Variants in THBS4 observed in about 807,000 individuals in gnomAD.
THBS4 encodes thrombospondin 4.
THBS4 carries 90 observed loss-of-function variants against 115.7 expected under a neutral mutation model. That is an observed-to-expected ratio of 0.78 (90% CI 0.66 to 0.93). The LOEUF (loss-of-function observed/expected upper bound fraction) is 0.93, where lower values mean the gene tolerates loss of function less well. THBS4 is among the 40% of genes least tolerant of loss of function. The probability of loss-of-function intolerance (pLI) is 0.00; values close to 1 mark genes in which losing one functional copy is unlikely to be tolerated. For synonymous variants in THBS4, 460 were observed against 479.3 expected, an observed-to-expected ratio of 0.96 and a Z score of 0.53; for missense variants, 1,087 against 1,232.7, an observed-to-expected ratio of 0.88 and a Z score of 1.77.
At chr5:80,008,125 C>T (rs2434316) in intron 2 of THBS4, among the ~76,000 whole-genome samples, 45,991 of 152,004 alleles carry the variant, frequency 0.3, 7,115 homozygotes, top group South Asian at 0.36. Flanking sequence ...ACTAATGATA[C>T]TTTAAGGCTG....
At chr5:80,080,236 G>T in intron 20 of THBS4, 159 bp downstream of exon 20, 6 of 871,350 alleles carry the variant, frequency 6.9e-6, no homozygotes, top group Non-Finnish European at 6.9e-6. Context: ...TAGAAAAGAG[G>T]TGGGAGAGAA....
intron 2 of THBS4, chr5:80,053,005 A>G (rs1833301837): frequency 6.6e-6 from 1 of 152,186 alleles, no homozygotes; most frequent in Non-Finnish European, 1.5e-5. Context: ...TTATTTTTAT[A>G]TACAAGTAAT....
rs528728239 is a variant in THBS4 at position 80,005,041 on chromosome 5, A to C, written n.177+6614A>C. ...GCATGAGCCACCACGCCCAGCCAAA[A>C]AAAACAAAACAAAACAAAAAACTAA... On this transcript the variant is annotated intron_variant and non_coding_transcript_variant, in intron 2 of 3. Transcript: ENST00000510218. Among the ~76,000 whole-genome samples, 258 of 152,286 alleles carry C rather than the reference A, an allele frequency of 1.7e-3. 1 individual carries two copies. Among genetic ancestry groups the C allele is most frequent in the African/African-American group, 5.8e-3 (239 of 41,560 alleles).
intron 2 of THBS4, among the ~76,000 whole-genome samples, chr5:80,047,978 G>A (rs550653943): frequency 9.9e-5 from 15 of 152,042 alleles, no homozygotes; most frequent in African/African-American, 2.7e-4. Context: ...AGCCTGGCTC[G>A]CTGGTACATG....
chr5:80,031,127 G>GT (rs1462569331), upstream of THBS4, among the ~76,000 whole-genome samples: 1 of 152,092 alleles, frequency 6.6e-6, no homozygotes, highest in South Asian at 2.1e-4. Flanking sequence ...CACATAATAC[G>GT]TTTTTTTGGG....
intron 21 of THBS4, 149 bp from the exon 22 acceptor site, chr5:80,082,931 G>A (rs1743594723): frequency 2.7e-6 from 2 of 739,186 alleles, no homozygotes; most frequent in South Asian, 1.7e-5. Flanking sequence ...TTGCAAAGCA[G>A]CCTGCAGGAG....
chr5:80,035,220 GC>G, upstream of THBS4: 1 of 154,834 alleles, frequency 6.5e-6, no homozygotes, highest in Non-Finnish European at 1.4e-5. The surrounding 1 kb of genome is among the most constrained non-coding windows in gnomAD (Gnocchi z 4.6). Flanking sequence ...TCTCCCTGCG[GC>G]CCCGGCTCGC....
chr5:80,003,179 A>G (rs1699434814), intron 2 of THBS4, among the ~76,000 whole-genome samples: 1 of 152,176 alleles, frequency 6.6e-6, no homozygotes, highest in African/African-American at 2.4e-5. Flanking sequence ...TTGCAGTTTG[A>G]ATACTGCAAA....
upstream of THBS4, among the ~76,000 whole-genome samples, chr5:80,032,274 A>G (rs190378412): frequency 6.6e-6 from 1 of 152,346 alleles, no homozygotes; most frequent in African/African-American, 2.4e-5. Flanking sequence ...TAAAAATGCA[A>G]GCCCTCTAAA....
At chr5:80,077,091 C>T in intron 16 of THBS4, 43 bp downstream of exon 16, 1 of 1,483,402 alleles carries the variant, frequency 6.7e-7, no homozygotes, top group Non-Finnish European at 9.0e-7. Context: ...CCCTGGGCTC[C>T]CTTCAGCCAG....
Position 80,061,675 on chromosome 5 carries a change from T to C in THBS4, c.988-20T>C, listed in dbSNP as rs1833639710. The C allele has an allele frequency of 6.3e-7, 1 of 1,595,514 alleles. No homozygotes were observed. Among genetic ancestry groups the C allele is most frequent in the Non-Finnish European group, 8.6e-7 (1 of 1,168,670 alleles). The stretch of plus-strand genomic sequence containing the variant: ...TGTTTTCTCGGTGTGGCTAAAGACT[T>C]TGAACTTTTTTGTCTCCAGTGCAAA... On this transcript the variant is annotated intron_variant, in intron 7 of 21. Coordinates refer to ENST00000350881, the MANE Select transcript of THBS4 (RefSeq NM_003248.6).
At chr5:80,078,022 C>G in intron 16 of THBS4, 27 bp from the exon 17 acceptor site, 1 of 1,543,300 alleles carries the variant, frequency 6.5e-7, no homozygotes, top group South Asian at 1.2e-5. Flanking sequence ...CGCTATTGAG[C>G]TCCTGTCCTT....
At chr5:80,047,210 T>C (rs776373454) in intron 2 of THBS4, among the ~76,000 whole-genome samples, 4 of 152,208 alleles carry the variant, frequency 2.6e-5, no homozygotes, top group Non-Finnish European at 5.9e-5. Context: ...CATTAGTGCA[T>C]ACATATGGCC....
intron 3 of THBS4, among the ~76,000 whole-genome samples, chr5:80,056,651 G>A (rs1482824407): frequency 6.6e-6 from 1 of 152,186 alleles, no homozygotes; most frequent in East Asian, 1.9e-4. Flanking sequence ...AGAATTTTGT[G>A]CTAGGCAGTG....
At position 80,071,109 on chromosome 5, in the gene THBS4, T is replaced by G; in HGVS notation, c.1649T>G (p.Leu550Ter). Residue 550 changes from leucine (L) to a stop codon, truncating the protein, a stop_gained, in exon 13 of 22, where the codon TTA becomes TGA. Coordinates refer to ENST00000350881, the MANE Select transcript of THBS4 (RefSeq NM_003248.6). LOFTEE classifies it high-confidence loss of function. ...GDACDNCLSV[L>*]NNDQKDTDGD... Reference sequence around the variant, plus strand: ...GCCTGTGATAACTGCCTGAGTGTCTTAAATAACGACCAGAAAGACACCGAT... The same window carrying G: ...GCCTGTGATAACTGCCTGAGTGTCTGAAATAACGACCAGAAAGACACCGAT... 1 of 1,610,586 alleles carries G rather than the reference T, an allele frequency of 6.2e-7. No homozygotes were observed. Among genetic ancestry groups the G allele is most frequent in the Non-Finnish European group, 8.5e-7 (1 of 1,179,266 alleles).
chr5:80,023,005 A>T (rs1312667407), intron 2 of THBS4, among the ~76,000 whole-genome samples: 1 of 152,216 alleles, frequency 6.6e-6, no homozygotes, highest in Non-Finnish European at 1.5e-5. Flanking sequence ...GTAGGTTATC[A>T]TCAATTTCCT....
intron 2 of THBS4, among the ~76,000 whole-genome samples, chr5:80,017,605 T>C (rs1487021531): frequency 6.6e-6 from 1 of 152,206 alleles, no homozygotes; most frequent in African/African-American, 2.4e-5. Flanking sequence ...TGCTTTTTAA[T>C]TCTACAAATT....
At chr5:80,060,939 C>T (rs1833611206) in intron 7 of THBS4, among the ~76,000 whole-genome samples, 1 of 152,212 alleles carries the variant, frequency 6.6e-6, no homozygotes, top group Non-Finnish European at 1.5e-5. Context: ...GGCACACTGA[C>T]TCCCTGGGGC....
At chr5:80,019,045 T>G (rs945005084) in intron 2 of THBS4, among the ~76,000 whole-genome samples, 2 of 151,964 alleles carry the variant, frequency 1.3e-5, no homozygotes. Context: ...GTGATTGTTT[T>G]TTTTTTTTTT....
Sources: allele counts gnomAD v4.1 joint callset (sites outside exome capture counted in the v4.1 genomes callset), GRCh38; gene constraint gnomAD v4.1.1; non-coding constraint Gnocchi (gnomAD v3.1); transcripts MANE v1.5; gene names NCBI Gene and HGNC (gene_info 2026-07-23, HGNC 2026-07-21).